The following NELL2 variants were observed in gnomAD, a reference collection of about 807,000 sequenced individuals.
NELL2 encodes the protein neural EGFL like 2, also known as protein kinase C-binding protein NELL2.
Under a neutral mutation model 109.6 loss-of-function variants are expected in NELL2, and 41 were observed. The observed-to-expected ratio is 0.37, with a 90% CI of 0.29 to 0.49. The LOEUF (loss-of-function observed/expected upper bound fraction) is 0.49. Ranked by LOEUF, NELL2 falls within the 20% of genes least tolerant of loss-of-function variation. The pLI is 0.98. For synonymous variants in NELL2, 355 were observed against 344.7 expected (o/e 1.03, Z -0.33); for missense variants, 900 against 1,008.3 (o/e 0.89, Z 1.45).
intron 2 of NELL2, among the ~76,000 whole-genome samples, chr12:44,829,689 G>A (rs530257266): frequency 7.2e-5 from 11 of 151,918 alleles, no homozygotes; most frequent in Admixed American, 3.3e-4. Flanking sequence ...ACTGTATGAA[G>A]TAGTGCTTAA....
intron 13 of NELL2, among the ~76,000 whole-genome samples, chr12:44,625,526 G>T (rs1946225514): frequency 6.6e-6 from 1 of 151,932 alleles, no homozygotes; most frequent in African/African-American, 2.4e-5. Flanking sequence ...CCTGTGTTTG[G>T]CAGAGTGTCT....
At chr12:44,648,231 T>C (rs1947167249) in intron 13 of NELL2, among the ~76,000 whole-genome samples, 1 of 152,194 alleles carries the variant, frequency 6.6e-6, no homozygotes, top group Non-Finnish European at 1.5e-5. Flanking sequence ...ATGTTAAATA[T>C]GTTTCGAATT....
chr12:44,529,146 G>A (rs1270867628), intron 16 of NELL2, among the ~76,000 whole-genome samples: 2 of 152,170 alleles, frequency 1.3e-5, no homozygotes, highest in Non-Finnish European at 2.9e-5. Context: ...CAGTTTGGAA[G>A]CTGCTATAGT....
At chr12:44,688,145 A>G (rs538889709) in intron 12 of NELL2, among the ~76,000 whole-genome samples, 8 of 152,344 alleles carry the variant, frequency 5.3e-5, no homozygotes, top group South Asian at 4.1e-4. Flanking sequence ...CACATATTCT[A>G]TATTGAAGCA....
At chr12:44,791,097 G>GTATA (rs371450408) in intron 3 of NELL2, among the ~76,000 whole-genome samples, 1,902 of 38,482 alleles carry the variant, frequency 0.049, 185 homozygotes, top group African/African-American at 0.16. Context: ...ATATATATAT[G>GTATA]TATATATATA....
At chr12:44,834,023 C>A (rs1943969917) in intron 2 of NELL2, among the ~76,000 whole-genome samples, 1 of 152,136 alleles carries the variant, frequency 6.6e-6, no homozygotes, top group South Asian at 2.1e-4. Context: ...ATAAAATTTT[C>A]TTTCTGGCAT....
chr12:44,818,566 A>G (rs923147186), intron 2 of NELL2, among the ~76,000 whole-genome samples: 1 of 152,164 alleles, frequency 6.6e-6, no homozygotes, highest in East Asian at 1.9e-4. Context: ...CAGCTGCCTT[A>G]CAAGATGAAA....
intron 14 of NELL2, among the ~76,000 whole-genome samples, chr12:44,607,921 T>C (rs1417459357): frequency 2.0e-5 from 3 of 152,022 alleles, no homozygotes; most frequent in Non-Finnish European, 4.4e-5. Context: ...GTTCTGTGAG[T>C]AGGAAGCTGA....
At chr12:44,564,390 G>A (rs1365257835) in intron 15 of NELL2, among the ~76,000 whole-genome samples, 2 of 152,166 alleles carry the variant, frequency 1.3e-5, no homozygotes. Context: ...AAGCGAAACG[G>A]TATAAATACT....
intron 13 of NELL2, among the ~76,000 whole-genome samples, chr12:44,627,353 T>C (rs1261558899): frequency 2.0e-5 from 3 of 152,044 alleles, no homozygotes; most frequent in Non-Finnish European, 2.9e-5. Flanking sequence ...TCTAACAAAG[T>C]TTTGCTTTGA....
At chr12:44,854,812 A>T (rs931700677) in intron 2 of NELL2, among the ~76,000 whole-genome samples, 2 of 151,934 alleles carry the variant, frequency 1.3e-5, no homozygotes, top group Admixed American at 6.6e-5. Context: ...AAAAAAAGTT[A>T]CTTAAATGTT....
At chr12:44,638,550 A>T (rs898141625) in intron 13 of NELL2, among the ~76,000 whole-genome samples, 1 of 152,172 alleles carries the variant, frequency 6.6e-6, no homozygotes, top group African/African-American at 2.4e-5. Flanking sequence ...GAAAGAGCTG[A>T]GTCTTGTAAG....
chr12:44,813,024 T>A (rs1305913677), intron 3 of NELL2, among the ~76,000 whole-genome samples: 1 of 152,174 alleles, frequency 6.6e-6, no homozygotes, highest in Admixed American at 6.5e-5. Context: ...TGTATGATTA[T>A]GAGAGGTTTG....
chr12:44,612,159 A>T (rs2136254325), intron 13 of NELL2, among the ~76,000 whole-genome samples: 1 of 152,158 alleles, frequency 6.6e-6, no homozygotes, highest in African/African-American at 2.4e-5. Context: ...TGTAACTTGT[A>T]ATATATCCGT....
intron 13 of NELL2, among the ~76,000 whole-genome samples, chr12:44,637,878 A>G (rs1946702215): frequency 6.6e-6 from 1 of 151,924 alleles, no homozygotes. Context: ...TGTCTATAAT[A>G]CTAGTCTTGT....
At chr12:44,841,176 G>T (rs1440938346) in intron 2 of NELL2, among the ~76,000 whole-genome samples, 1 of 152,154 alleles carries the variant, frequency 6.6e-6, no homozygotes, top group Non-Finnish European at 1.5e-5. Context: ...AAATTGGCAG[G>T]CTATGTAGTA....
intron 9 of NELL2, among the ~76,000 whole-genome samples, chr12:44,740,281 G>A (rs1939881707): frequency 6.6e-6 from 1 of 152,104 alleles, no homozygotes; most frequent in African/African-American, 2.4e-5. Context: ...ATATACTGAT[G>A]TTTCCTTTAT....
intron 19 of NELL2, among the ~76,000 whole-genome samples, chr12:44,514,509 A>G (rs888321975): frequency 4.0e-5 from 6 of 151,776 alleles, no homozygotes; most frequent in African/African-American, 1.2e-4. Context: ...TTATTACAGT[A>G]TATTATTATA....
intron 19 of NELL2, among the ~76,000 whole-genome samples, chr12:44,518,843 C>A (rs1359755915): frequency 6.6e-6 from 1 of 152,126 alleles, no homozygotes; most frequent in Non-Finnish European, 1.5e-5. Flanking sequence ...AAAGGAACAT[C>A]GCATATACAT....
Sources: allele counts gnomAD v4.1 joint callset (sites outside exome capture counted in the v4.1 genomes callset), GRCh38; gene constraint gnomAD v4.1.1; transcripts MANE v1.5; gene names NCBI Gene and HGNC (gene_info 2026-07-23, HGNC 2026-07-21).